Variants in APP observed in about 807,000 individuals in gnomAD.
APP encodes amyloid beta precursor protein, also known as amyloid-beta precursor protein.
A neutral mutation model predicts 101.4 loss-of-function variants in APP; 31 were observed. The ratio of observed to expected loss-of-function variants is 0.31; its 90% CI spans 0.23 to 0.41. The LOEUF (loss-of-function observed/expected upper bound fraction) is 0.41, where lower values mean the gene tolerates loss of function less well. Among genes scored for constraint, APP ranks in the 10% least tolerant of loss-of-function variants. APP has a pLI of 1.00. For missense variants in APP, 839 were observed against 1,003.7 expected (o/e 0.84, Z 2.22); for synonymous variants, 366 against 364.4 (o/e 1.00, Z -0.05).
In APP at chr21:26,061,032, A is replaced by G. The variant is rs996714639; in HGVS notation, c.356-7684T>C. Among the ~76,000 whole-genome samples the G allele has an allele frequency of 2.0e-5, 3 of 152,220 alleles. No individual in the cohort carries two copies. The South Asian group carries it at 6.2e-4, about 32-fold the overall frequency. On this transcript the variant is annotated intron_variant, in intron 3 of 17. Coordinates refer to ENST00000346798, the MANE Select transcript of APP (RefSeq NM_000484.4). Reference sequence around the variant, plus strand: ...ATTCTTGCCCTAGGGGGTCAAGACTAGAAGTGAGAAGACCAGGAAGGGGGC... The same window carrying G: ...ATTCTTGCCCTAGGGGGTCAAGACTGGAAGTGAGAAGACCAGGAAGGGGGC...
intron 3 of APP, among the ~76,000 whole-genome samples, chr21:26,086,382 A>G (rs755604998): frequency 2.0e-5 from 3 of 152,196 alleles, no homozygotes; most frequent in Admixed American, 1.3e-4. Flanking sequence ...TGTATAGCAC[A>G]TATGTCCGAG....
intron 13 of APP, among the ~76,000 whole-genome samples, chr21:25,918,473 G>A (rs2146343657): frequency 6.6e-6 from 1 of 152,200 alleles, no homozygotes; most frequent in South Asian, 2.1e-4. Flanking sequence ...GAGATACCGG[G>A]TTCATCTCAC....
intron 1 of APP, among the ~76,000 whole-genome samples, chr21:26,135,371 G>A (rs1268112732): frequency 6.6e-6 from 1 of 152,170 alleles, no homozygotes; most frequent in Non-Finnish European, 1.5e-5. Flanking sequence ...AGATAGCCAA[G>A]TTCATATCAA....
Position 26,038,000 on chromosome 21 carries a change from T to TA in APP, c.662+12999dup, listed in dbSNP as rs529387052. Among the ~76,000 whole-genome samples, 4 of 152,272 alleles carry TA rather than the reference T, an allele frequency of 2.6e-5. No individual in the cohort carries two copies. In the South Asian group the frequency reaches 8.3e-4, roughly 32 times the overall value. The stretch of plus-strand genomic sequence containing the variant: ...AATTTAAATATAAAATTGAAGATCC[T>TA]AAAAAAGTATAGAAGTTTTAAAGTA... On this transcript the variant is annotated intron_variant, in intron 5 of 17. Coordinates refer to ENST00000346798, the MANE Select transcript of APP (RefSeq NM_000484.4).
chr21:26,144,199 A>C (rs1042865555), intron 1 of APP, among the ~76,000 whole-genome samples: 1 of 152,190 alleles, frequency 6.6e-6, no homozygotes, highest in Non-Finnish European at 1.5e-5. Context: ...TCTATGATTC[A>C]GTTATCTCCA....
At chr21:26,091,978 A>G (rs1368979770) in intron 2 of APP, among the ~76,000 whole-genome samples, 2 of 152,180 alleles carry the variant, frequency 1.3e-5, no homozygotes, top group African/African-American at 4.8e-5. Flanking sequence ...TGACATTCAG[A>G]GGGCTTGACA....
intron 3 of APP, among the ~76,000 whole-genome samples, chr21:26,060,731 G>A (rs1196113831): frequency 6.6e-6 from 1 of 152,290 alleles, no homozygotes; most frequent in South Asian, 2.1e-4. Context: ...AGGGAACAAA[G>A]TATTCAGAAT....
At chr21:26,101,273 A>AT (rs1241403765) in intron 2 of APP, among the ~76,000 whole-genome samples, 1 of 151,020 alleles carries the variant, frequency 6.6e-6, no homozygotes, top group African/African-American at 2.4e-5. Context: ...TAATTTTTGT[A>AT]TTTTTAGTAG....
intron 1 of APP, among the ~76,000 whole-genome samples, chr21:26,126,129 A>T (rs1049938430): frequency 6.6e-6 from 1 of 152,186 alleles, no homozygotes; most frequent in Non-Finnish European, 1.5e-5. Flanking sequence ...AAGCACAAAA[A>T]TTTTTTCACA....
intron 6 of APP, among the ~76,000 whole-genome samples, chr21:26,003,528 G>A (rs1052299075): frequency 2.0e-5 from 3 of 152,142 alleles, no homozygotes; most frequent in Non-Finnish European, 2.9e-5. Flanking sequence ...GAGATAATGC[G>A]GTCAGGAATG....
intron 6 of APP, among the ~76,000 whole-genome samples, chr21:26,001,170 C>T (rs1216290052): frequency 2.0e-5 from 3 of 152,232 alleles, no homozygotes; most frequent in Non-Finnish European, 4.4e-5. Context: ...CACTGTTATA[C>T]ATTAAAACAC....
chr21:26,006,799 A>C (rs2043549997), intron 6 of APP, among the ~76,000 whole-genome samples: 1 of 152,228 alleles, frequency 6.6e-6, no homozygotes, highest in Non-Finnish European at 1.5e-5. Context: ...ATGCCTTCTT[A>C]TGAAGCAAAG....
At chr21:26,092,778 G>A (rs1408261973) in intron 2 of APP, among the ~76,000 whole-genome samples, 1 of 152,158 alleles carries the variant, frequency 6.6e-6, no homozygotes, top group Non-Finnish European at 1.5e-5. Context: ...CATGTGTGCA[G>A]GTAGCAAGTA....
At chr21:26,111,917 A>T (rs2062333191) in intron 2 of APP, 62 bp downstream of exon 2, 1 of 1,591,026 alleles carries the variant, frequency 6.3e-7, no homozygotes, top group East Asian at 2.2e-5. Flanking sequence ...CAAGAAGTTA[A>T]ATTTTTTGAA....
At chr21:26,033,357 G>A (rs527800151) in intron 5 of APP, among the ~76,000 whole-genome samples, 6 of 152,286 alleles carry the variant, frequency 3.9e-5, no homozygotes, top group Admixed American at 1.3e-4. Context: ...AGAAGGATGT[G>A]TTTGCTTCCC....
Position 25,880,575 on chromosome 21 carries a change from A to G in APP, c.*1095T>C, listed in dbSNP as rs1163855709. 1.3e-5 allele frequency: 2 copies of G among 152,242 alleles called. No individual in the cohort carries two copies. Among genetic ancestry groups the G allele is most frequent in the African/African-American group, 4.8e-5 (2 of 41,468 alleles). 9.4% of individuals were successfully genotyped at this position (152,242 alleles called of 1,614,324 possible). A position where few individuals can be genotyped will look rare whatever the true frequency, so the allele number is the denominator to read the frequency against. Reference sequence around the variant, plus strand: ...TGCTCCTCCAAGAATGTATTTATTTACATGAAAACACCATTTTATACAAAT... The same window carrying G: ...TGCTCCTCCAAGAATGTATTTATTTGCATGAAAACACCATTTTATACAAAT... On this transcript the variant is annotated 3_prime_UTR_variant, in exon 18 of 18. Coordinates refer to ENST00000346798, the MANE Select transcript of APP (RefSeq NM_000484.4).
intron 1 of APP, among the ~76,000 whole-genome samples, chr21:26,146,785 C>T (rs1407055300): frequency 1.3e-5 from 2 of 152,130 alleles, no homozygotes; most frequent in African/African-American, 4.8e-5. Flanking sequence ...TTTAGTATTT[C>T]TTACTGATTT....
intron 17 of APP, among the ~76,000 whole-genome samples, chr21:25,887,890 T>C (rs2037441586): frequency 6.6e-6 from 1 of 152,220 alleles, no homozygotes; most frequent in Admixed American, 6.5e-5. Context: ...ATGCCACATT[T>C]CTCAGAACGT....
chr21:26,087,051 TACCTATGTTACACCTATTGGAAA>T (rs765879429), intron 3 of APP, among the ~76,000 whole-genome samples: 1 of 152,212 alleles, frequency 6.6e-6, no homozygotes, highest in Non-Finnish European at 1.5e-5. Context: ...GTCCCTATGT[TACCTATGTTACACCTATTGGAAA>T]ACCTATGTTT....
Sources: gnomAD v4.1 joint callset for allele counts (sites outside exome capture counted in the v4.1 genomes callset) on GRCh38, gnomAD v4.1.1 for gene constraint, MANE v1.5 for transcripts, NCBI Gene and HGNC (gene_info 2026-07-23, HGNC 2026-07-21) for gene names.